TPO: variants seen among roughly 807,000 people sequenced by gnomAD.
TPO encodes thyroid microsomal antigen.
In TPO, 78 loss-of-function variants were observed where a neutral mutation model predicts 96.9. The observed-to-expected ratio is 0.81, with a 90% CI of 0.67 to 0.97. TPO has a LOEUF of 0.97. Ranked by LOEUF, TPO falls within the 50% of genes least tolerant of loss-of-function variation. The pLI, the probability that TPO is intolerant of heterozygous loss-of-function variation, is 0.00. For missense variants in TPO, 1,252 were observed against 1,274.8 expected (o/e 0.98, Z 0.27); for synonymous variants, 547 against 538.0 (o/e 1.02, Z -0.23).
At chr2:1,515,395 G>A (rs751032861) in intron 14 of TPO, among the ~76,000 whole-genome samples, 3 of 152,234 alleles carry the variant, frequency 2.0e-5, no homozygotes, top group Non-Finnish European at 4.4e-5. Context: ...GTGAAAGGTG[G>A]CAGGAAGGAG....
chr2:1,466,391 G>C (rs1056035405), intron 7 of TPO, among the ~76,000 whole-genome samples: 6 of 152,266 alleles, frequency 3.9e-5, no homozygotes, highest in East Asian at 3.9e-4. Context: ...CTATTAGGGT[G>C]ATACTGGCCT....
At chr2:1,536,982 C>CCA (rs1558439460) in intron 15 of TPO, among the ~76,000 whole-genome samples, 3 of 92,908 alleles carry the variant, frequency 3.2e-5, no homozygotes, top group South Asian at 4.8e-4. Flanking sequence ...CCCAATCTCC[C>CCA]CCACTGTGTG....
intron 1 of TPO, among the ~76,000 whole-genome samples, chr2:1,375,708 G>C (rs1208038953): frequency 6.6e-6 from 1 of 152,160 alleles, no homozygotes; most frequent in Non-Finnish European, 1.5e-5. Flanking sequence ...GGTCTTGAGA[G>C]TGTGTTTCCT....
intron 4 of TPO, 51 bp downstream of exon 4, chr2:1,433,658 C>T: frequency 6.3e-7 from 1 of 1,588,578 alleles, no homozygotes; most frequent in Non-Finnish European, 8.6e-7. Flanking sequence ...CGAAGGAGGA[C>T]ACCTTGACTT....
chr2:1,465,656 C>T (rs1285605467), intron 7 of TPO, among the ~76,000 whole-genome samples: 2 of 151,764 alleles, frequency 1.3e-5, no homozygotes, highest in African/African-American at 4.8e-5. Flanking sequence ...TTTTTTTCAG[C>T]TATTGTAGAA....
At chr2:1,427,023 C>T (rs1229370836) in intron 3 of TPO, among the ~76,000 whole-genome samples, 3 of 152,174 alleles carry the variant, frequency 2.0e-5, no homozygotes, top group African/African-American at 7.2e-5. Context: ...CACCCTACCC[C>T]CTCATTCATC....
At chr2:1,471,931 A>G (rs1669459842) in intron 7 of TPO, among the ~76,000 whole-genome samples, 1 of 148,606 alleles carries the variant, frequency 6.7e-6, no homozygotes, top group Non-Finnish European at 1.5e-5. Context: ...TGCCCTTCCC[A>G]TGATCTGAAA....
chr2:1,462,024 T>C (rs1668493059), intron 7 of TPO, among the ~76,000 whole-genome samples: 1 of 152,222 alleles, frequency 6.6e-6, no homozygotes, highest in African/African-American at 2.4e-5. Context: ...CCTTTCTTTT[T>C]AGGGCTCAGT....
At chr2:1,374,790 C>G (rs1047283808) in intron 1 of TPO, among the ~76,000 whole-genome samples, 2 of 149,764 alleles carry the variant, frequency 1.3e-5, no homozygotes, top group African/African-American at 2.5e-5. Context: ...TGCAATGGCT[C>G]GATCTCGGCC....
At chr2:1,463,636 G>A (rs1465174315) in intron 7 of TPO, among the ~76,000 whole-genome samples, 1 of 152,224 alleles carries the variant, frequency 6.6e-6, no homozygotes, top group Admixed American at 6.5e-5. Context: ...CCAGGGAGCT[G>A]TGAGAGCTTT....
At chr2:1,519,008 G>A (rs1055319249) in intron 15 of TPO, among the ~76,000 whole-genome samples, 2 of 152,188 alleles carry the variant, frequency 1.3e-5, no homozygotes, top group African/African-American at 4.8e-5. Context: ...ACAGAGTCAT[G>A]CTGAGCAGGC....
At chr2:1,471,814 C>T (rs1226976482) in intron 7 of TPO, among the ~76,000 whole-genome samples, 1 of 152,162 alleles carries the variant, frequency 6.6e-6, no homozygotes, top group African/African-American at 2.4e-5. Context: ...CTGGGCACCC[C>T]GTTTTAATCA....
intron 2 of TPO, among the ~76,000 whole-genome samples, chr2:1,422,732 C>T (rs887491932): frequency 1.3e-5 from 2 of 152,210 alleles, no homozygotes; most frequent in East Asian, 3.9e-4. Context: ...ACCACTGGCT[C>T]AGGTAACCAG....
Position 1,493,978 on chromosome 2 carries a change from A to G in TPO, c.1945A>G (p.Thr649Ala). ...TGAAAACTTCCTCCCCAGGGCTCGG[A>G]CAGGGCCCCTGTTTGCCTGTCTCAT... is the stretch of plus-strand genomic sequence containing the variant. ...LAENFLPRAR[T>A]GPLFACLIGK... The change falls in exon 11 of 17, where the codon ACA becomes GCA. Residue 649 changes from threonine (T) to alanine (A), a missense_variant. By Grantham distance (58) the Thr-to-Ala change is moderately conservative (BLOSUM62 0). Coordinates refer to ENST00000329066, the MANE Select transcript of TPO (RefSeq NM_001206744.2). The G allele has an allele frequency of 6.2e-7, 1 of 1,614,088 alleles. No individual in the cohort carries two copies. The highest frequency in any genetic ancestry group is 8.5e-7 in the Non-Finnish European group (1 of 1,180,018).
chr2:1,537,060 CCCTGCCACTGTGTGCAACCTCA>C (rs1679884517), intron 15 of TPO, among the ~76,000 whole-genome samples: 2 of 40,572 alleles, frequency 4.9e-5, no homozygotes, highest in Non-Finnish European at 4.5e-5. Context: ...CTCCCCAAAT[CCCTGCCACTGTGTGCAACCTCA>C]CCAAATCCGT....
chr2:1,436,960 G>A (rs183399801), intron 5 of TPO, among the ~76,000 whole-genome samples: 102 of 152,302 alleles, frequency 6.7e-4, no homozygotes, highest in African/African-American at 2.2e-3. Context: ...CTCAGAGTGA[G>A]TTCAGATCCG....
chr2:1,481,958 C>T (rs1263045752), intron 8 of TPO, among the ~76,000 whole-genome samples: 1 of 152,180 alleles, frequency 6.6e-6, no homozygotes, highest in African/African-American at 2.4e-5. Flanking sequence ...CGGAGGAGCA[C>T]AAGCCAGGCC....
intron 7 of TPO, among the ~76,000 whole-genome samples, chr2:1,475,573 G>A (rs180867134): frequency 0.036 from 5,453 of 152,038 alleles, 151 homozygotes; most frequent in East Asian, 0.12. Flanking sequence ...ACAGGTGCCC[G>A]CCACCGCGCC....
intron 7 of TPO, among the ~76,000 whole-genome samples, chr2:1,471,873 T>C (rs1215757271): frequency 6.7e-6 from 1 of 150,036 alleles, no homozygotes; most frequent in Non-Finnish European, 1.5e-5. Flanking sequence ...CTTCCCATGA[T>C]CCTGATGTTC....
Sources: allele counts gnomAD v4.1 joint callset (sites outside exome capture counted in the v4.1 genomes callset), GRCh38; gene constraint gnomAD v4.1.1; transcripts MANE v1.5; gene names NCBI Gene and HGNC (gene_info 2026-07-23, HGNC 2026-07-21).